Variants in KLHDC4 observed in about 807,000 individuals in gnomAD.
KLHDC4 encodes kelch domain-containing protein 4.
KLHDC4 carries 90 observed loss-of-function variants against 62.4 expected under a neutral mutation model. The ratio of observed to expected loss-of-function variants is 1.44; its 90% confidence interval spans 1.22 to 1.72. The LOEUF (loss-of-function observed/expected upper bound fraction) is 1.72. KLHDC4 is among the 40% of genes most tolerant of loss of function. The pLI is 0.00. For missense variants in KLHDC4, 1,025 were observed against 699.7 expected (o/e 1.47, Z -5.25); for synonymous variants, 386 against 284.4 (o/e 1.36, Z -3.59).
chr16:87,764,224 A>C (rs114289585), intron 1 of KLHDC4, among the ~76,000 whole-genome samples: 1 of 152,284 alleles, frequency 6.6e-6, no homozygotes, highest in African/African-American at 2.4e-5. Context: ...CTTATTTTAA[A>C]AGTTTGTTTT....
In KLHDC4 at chr16:87,760,864, C is replaced by G. The variant is rs59816268; in HGVS notation, c.191+1085G>C. Among the ~76,000 whole-genome samples, 1,098 of 152,092 alleles carry G rather than the reference C, an allele frequency of 7.2e-3. 20 individuals are homozygous for G. The highest frequency in any genetic ancestry group is 0.025 in the African/African-American group (1,046 of 41,510). On this transcript the variant is annotated intron_variant, in intron 2 of 11. Coordinates refer to ENST00000270583, the MANE Select transcript of KLHDC4 (RefSeq NM_017566.4). Reference sequence around the variant, plus strand: ...CCAGGCCAACATGGCAAAACCCCATCTCTACTAAAAATACAAAAATTAGCT... The same window carrying G: ...CCAGGCCAACATGGCAAAACCCCATGTCTACTAAAAATACAAAAATTAGCT...
At chr16:87,716,570 C>T (rs576953873) in intron 7 of KLHDC4, among the ~76,000 whole-genome samples, 14 of 152,136 alleles carry the variant, frequency 9.2e-5, no homozygotes, top group East Asian at 3.9e-4. Context: ...ACTCCCTGCT[C>T]GGCCCTACGA....
At position 87,714,553 on chromosome 16, in the gene KLHDC4, G is replaced by T. The variant is rs1425375720; in HGVS notation, c.780C>A (p.Asp260Glu). 1.2e-6 allele frequency: 2 copies of T among 1,614,066 alleles called. No homozygotes were observed. Among genetic ancestry groups the T allele is most frequent in the South Asian group, 2.2e-5 (2 of 91,092 alleles). ...YSKQRVKKDVDKGTRHSDMFL... is the reference protein window; with the variant it reads ...YSKQRVKKDVEKGTRHSDMFL... Reference sequence around the variant, plus strand: ...ACATGTCTGAGTGCCGTGTGCCCTTGTCCACGTCTTTCTTAACTCTCTGCA... The same window carrying T: ...ACATGTCTGAGTGCCGTGTGCCCTTTTCCACGTCTTTCTTAACTCTCTGCA... The change falls in exon 8 of 12, where the codon GAC becomes GAA. Residue 260 changes from aspartate (D) to glutamate (E), a missense_variant. Physicochemically the swap from Asp to Glu is conservative, Grantham distance 45. Coordinates refer to ENST00000270583, the MANE Select transcript of KLHDC4 (RefSeq NM_017566.4).
rs191549914 is a variant in KLHDC4 at position 87,716,100 on chromosome 16, C to T, written c.760-1527G>A. On this transcript the variant is annotated intron_variant, in intron 7 of 11. Coordinates refer to ENST00000270583, the MANE Select transcript of KLHDC4 (RefSeq NM_017566.4). ...ACGCTCTATGTCTCGTGGATACTGA[C>T]GTAGACTTTGGGTACACACTATGGT... 5.3e-5 allele frequency among the ~76,000 whole-genome samples: 8 copies of T among 152,192 alleles called. No individual in the cohort carries two copies. The East Asian group carries it at 9.7e-4, about 18-fold the overall frequency.
Position 87,709,271 on chromosome 16 carries a change from C to A in KLHDC4, c.1441G>T (p.Asp481Tyr). ...MEAWKALVEM[D>Y]PETQEWLEET... ...ACCAAGCTGCCTGGCTCACCTGGGT[C>A]CATCTCCACCAAGGCCTTCCACGCC... is the stretch of plus-strand genomic sequence containing the variant. Residue 481 changes from aspartate to tyrosine, a missense_variant, in exon 10 of 12, where the codon GAC (aspartate) becomes TAC (tyrosine). Physicochemically the swap from Asp to Tyr is radical, Grantham distance 160. Transcript: ENST00000270583. 1 of 1,607,446 alleles carries A rather than the reference C, an allele frequency of 6.2e-7. No homozygotes were observed. The highest frequency in any genetic ancestry group is 8.5e-7 in the Non-Finnish European group (1 of 1,176,624).
intron 4 of KLHDC4, among the ~76,000 whole-genome samples, chr16:87,751,976 G>A (rs1205454666): frequency 6.6e-6 from 1 of 150,790 alleles, no homozygotes; most frequent in Non-Finnish European, 1.5e-5. Context: ...TCAGGAAGCT[G>A]AGGCAGGAGA....
At chr16:87,752,632 G>T (rs935202150) in intron 4 of KLHDC4, among the ~76,000 whole-genome samples, 1 of 152,094 alleles carries the variant, frequency 6.6e-6, no homozygotes, top group South Asian at 2.1e-4. Flanking sequence ...ACCATGCCCA[G>T]CCCACAGCAC....
In KLHDC4 at chr16:87,765,859, C is replaced by T. The variant is rs944058498; in HGVS notation, c.32G>A (p.Gly11Asp). Residue 11 changes from glycine to aspartate, a missense_variant, in exon 1 of 12, where the codon GGC (glycine) becomes GAC (aspartate). By Grantham distance (94) the Gly-to-Asp change is moderately conservative. Transcript: ENST00000270583. Reference protein sequence around the residue: MGKKGKKEKKGRGAEKTAAKM... With the variant: MGKKGKKEKKDRGAEKTAAKM... ...GGCGGCCGTCTTCTCCGCGCCGCGG[C>T]CCTTCTTCTCCTTCTTGCCCTTCTT... 2 of 1,553,136 alleles carry T rather than the reference C, an allele frequency of 1.3e-6. No homozygotes were observed.
intron 7 of KLHDC4, among the ~76,000 whole-genome samples, chr16:87,718,303 C>T (rs1185729641): frequency 1.3e-4 from 13 of 99,454 alleles, no homozygotes; most frequent in African/African-American, 5.8e-4. Flanking sequence ...CTCCCTCTCC[C>T]TCCCCCTCTC....
chr16:87,709,016 T>C (rs930923710), intron 10 of KLHDC4, among the ~76,000 whole-genome samples: 7 of 152,220 alleles, frequency 4.6e-5, no homozygotes, highest in African/African-American at 1.7e-4. Context: ...GATGCACCCG[T>C]GTCCTGTGCC....
At chr16:87,718,000 G>C (rs931575789) in intron 7 of KLHDC4, among the ~76,000 whole-genome samples, 3 of 152,142 alleles carry the variant, frequency 2.0e-5, no homozygotes, top group African/African-American at 7.2e-5. Flanking sequence ...CTGCTCACAC[G>C]GGTCCACAGG....
chr16:87,716,917 G>A (rs949898279), intron 7 of KLHDC4, among the ~76,000 whole-genome samples: 14 of 152,050 alleles, frequency 9.2e-5, no homozygotes, highest in African/African-American at 3.4e-4. Context: ...GGGCGACAGA[G>A]CGAGACTCCG....
intron 2 of KLHDC4, chr16:87,757,262 G>A (rs1277059950): frequency 6.6e-6 from 1 of 151,880 alleles, no homozygotes; most frequent in African/African-American, 2.4e-5. Context: ...GAGGTGAAGA[G>A]ATCGAGACCA....
rs944058498 is a variant in KLHDC4 at position 87,765,859 on chromosome 16, C to A, written c.32G>T (p.Gly11Val). MGKKGKKEKK[G>V]RGAEKTAAKM... Reference sequence around the variant, plus strand: ...GGCGGCCGTCTTCTCCGCGCCGCGGCCCTTCTTCTCCTTCTTGCCCTTCTT... The same window carrying A: ...GGCGGCCGTCTTCTCCGCGCCGCGGACCTTCTTCTCCTTCTTGCCCTTCTT... The change falls in exon 1 of 12, where the codon GGC becomes GTC. Residue 11 changes from glycine to valine, a missense_variant. Physicochemically the swap from Gly to Val is moderately radical, Grantham distance 109. Transcript: ENST00000270583. The A allele has an allele frequency of 3.2e-6, 5 of 1,553,018 alleles. No homozygotes were observed. The highest frequency in any genetic ancestry group is 2.7e-5 in the African/African-American group (2 of 73,274).
chr16:87,727,517 A>C (rs950984685), intron 6 of KLHDC4, among the ~76,000 whole-genome samples: 2 of 152,010 alleles, frequency 1.3e-5, no homozygotes, highest in African/African-American at 2.4e-5. Context: ...ACAGAAGCCG[A>C]CCCTCTGTGC....
chr16:87,725,862 A>G (rs903979967), intron 7 of KLHDC4, among the ~76,000 whole-genome samples: 1 of 152,140 alleles, frequency 6.6e-6, no homozygotes, highest in Admixed American at 6.5e-5. Context: ...TCAGGTTACC[A>G]AAGAAACAAG....
At chr16:87,763,103 A>G (rs1245050573) in intron 1 of KLHDC4, among the ~76,000 whole-genome samples, 2 of 152,196 alleles carry the variant, frequency 1.3e-5, no homozygotes, top group Non-Finnish European at 2.9e-5. Context: ...TTTAAAACAC[A>G]CAAGTTAACA....
chr16:87,718,102 G>T (rs2037364389), intron 7 of KLHDC4, among the ~76,000 whole-genome samples: 1 of 152,126 alleles, frequency 6.6e-6, no homozygotes, highest in Non-Finnish European at 1.5e-5. Flanking sequence ...TTCTACAGCA[G>T]TTTCTTTTCT....
Position 87,712,313 on chromosome 16 carries a change from C to G in KLHDC4, c.836-870G>C, listed in dbSNP as rs986982208. ...AACAGAAGCAGCAAATGGACGTATTCTGTGTGGTGCTAGACGTCACCCGCC... is the reference window on the plus strand; with the variant it reads ...AACAGAAGCAGCAAATGGACGTATTGTGTGTGGTGCTAGACGTCACCCGCC... On this transcript the variant is annotated intron_variant, in intron 8 of 11. Coordinates refer to ENST00000270583, the MANE Select transcript of KLHDC4 (RefSeq NM_017566.4). Among the ~76,000 whole-genome samples, 5 of 152,280 alleles carry G rather than the reference C, an allele frequency of 3.3e-5. No individual in the cohort carries two copies. The East Asian group carries it at 9.6e-4, about 29-fold the overall frequency.
Sources: allele counts gnomAD v4.1 joint callset (sites outside exome capture counted in the v4.1 genomes callset), GRCh38; gene constraint gnomAD v4.1.1; transcripts MANE v1.5; gene names NCBI Gene and HGNC (gene_info 2026-07-23, HGNC 2026-07-21).